GATB: variants seen among roughly 807,000 people sequenced by gnomAD.
The protein encoded by GATB is glutamyl-tRNA(Gln) amidotransferase subunit B, mitochondrial.
A neutral mutation model predicts 62.3 loss-of-function variants in GATB; 39 were observed. The observed-to-expected ratio is 0.63, with a 90% CI of 0.48 to 0.82. GATB has a LOEUF of 0.82. Ranked by LOEUF, GATB falls within the 40% of genes least tolerant of loss-of-function variation. GATB has a pLI of 0.00. For synonymous variants in GATB, 276 were observed against 258.9 expected, an observed-to-expected ratio of 1.07 and a Z score of -0.63; for missense variants, 670 against 684.0, an observed-to-expected ratio of 0.98 and a Z score of 0.23.
At chr4:151,677,013 AT>A (rs1218521195) in intron 11 of GATB, among the ~76,000 whole-genome samples, 2 of 152,162 alleles carry the variant, frequency 1.3e-5, no homozygotes, top group Non-Finnish European at 2.9e-5. Flanking sequence ...TCAGGACATG[AT>A]TCTTCTTTCT....
At chr4:151,750,686 T>C (rs1008924958) in intron 2 of GATB, among the ~76,000 whole-genome samples, 2 of 151,818 alleles carry the variant, frequency 1.3e-5, no homozygotes, top group African/African-American at 4.8e-5. Context: ...AGGGTCTCAC[T>C]CTGTCACTCA....
Position 151,758,711 on chromosome 4 carries a change from T to G in GATB, c.327+61A>C, listed in dbSNP as rs1739888088. Reference sequence around the variant, plus strand: ...TATTATTAAAACAAGAAAATAATTTTCCATGTTCAATATAAAATAAACATT... The same window carrying G: ...TATTATTAAAACAAGAAAATAATTTGCCATGTTCAATATAAAATAAACATT... On this transcript the variant is annotated intron_variant, in intron 2 of 12. Transcript: ENST00000263985. 5.4e-6 allele frequency: 7 copies of G among 1,289,852 alleles called. No homozygotes were observed. In the South Asian group the frequency reaches 1.1e-4, roughly 21 times the overall value. 79.9% of individuals were successfully genotyped at this position (1,289,852 alleles called of 1,614,324 possible).
At chr4:151,714,338 G>A (rs1161904975) in intron 5 of GATB, among the ~76,000 whole-genome samples, 1 of 152,168 alleles carries the variant, frequency 6.6e-6, no homozygotes. Flanking sequence ...CCAACACAGT[G>A]GTCCTAAAGG....
intron 2 of GATB, among the ~76,000 whole-genome samples, chr4:151,754,651 T>A (rs984212625): frequency 1.3e-5 from 2 of 152,098 alleles, no homozygotes; most frequent in African/African-American, 2.4e-5. Context: ...GTGACAATCC[T>A]AATTTTTTAC....
intron 2 of GATB, among the ~76,000 whole-genome samples, chr4:151,758,383 T>A (rs1482782645): frequency 1.3e-5 from 2 of 152,178 alleles, no homozygotes; most frequent in Non-Finnish European, 2.9e-5. Context: ...CTCCTCTGGG[T>A]TTCGAAATCA....
intron 2 of GATB, among the ~76,000 whole-genome samples, chr4:151,752,648 A>T (rs1739742618): frequency 6.6e-6 from 1 of 152,210 alleles, no homozygotes; most frequent in Non-Finnish European, 1.5e-5. Context: ...TGTTTCAAAG[A>T]GGCAGCTACC....
rs1394495973 is a variant in GATB at position 151,705,828 on chromosome 4, TTGC to T, written c.878-562_878-560del. Among the ~76,000 whole-genome samples the T allele has an allele frequency of 2.6e-5, 4 of 152,142 alleles. No homozygotes were observed. The East Asian group carries it at 7.7e-4, about 29-fold the overall frequency. On this transcript the variant is annotated intron_variant, in intron 6 of 12. Coordinates refer to ENST00000263985, the MANE Select transcript of GATB (RefSeq NM_004564.3). The stretch of plus-strand genomic sequence containing the variant: ...AAACACAACCACAATTGCTAAGCTG[TTGC>T]TGCTTTTTTTTTCTTTTTTTGAGAG...
intron 10 of GATB, among the ~76,000 whole-genome samples, chr4:151,685,381 C>A (rs1445279526): frequency 6.6e-6 from 1 of 152,182 alleles, no homozygotes; most frequent in African/African-American, 2.4e-5. Context: ...TGGTCATCCC[C>A]CACACACTGC....
intron 2 of GATB, among the ~76,000 whole-genome samples, chr4:151,752,083 G>A (rs1472011506): frequency 6.6e-6 from 1 of 152,140 alleles, no homozygotes. Context: ...TTCTAGGTTA[G>A]AATTATAATT....
intron 12 of GATB, 142 bp downstream of exon 12, chr4:151,672,620 A>AGAT: frequency 1.2e-6 from 1 of 810,980 alleles, no homozygotes; most frequent in Non-Finnish European, 1.9e-6. Context: ...TTAACTAAAA[A>AGAT]GATGACAGTG....
intron 6 of GATB, among the ~76,000 whole-genome samples, chr4:151,707,388 G>A (rs891523260): frequency 2.0e-5 from 3 of 152,120 alleles, no homozygotes; most frequent in African/African-American, 7.2e-5. Flanking sequence ...CAAACTCCTG[G>A]ACTCAAGTGA....
chr4:151,710,388 C>T (rs1738795236), intron 5 of GATB, among the ~76,000 whole-genome samples: 1 of 152,244 alleles, frequency 6.6e-6, no homozygotes, highest in South Asian at 2.1e-4. Context: ...ACCCAGTTCT[C>T]ACTCTATCAG....
intron 11 of GATB, chr4:151,673,774 G>A (rs1737936096): frequency 6.6e-6 from 1 of 152,180 alleles, no homozygotes; most frequent in South Asian, 2.1e-4. Flanking sequence ...GAGCCGGGAG[G>A]AGGGCTTCCT....
chr4:151,725,850 A>G (rs1405943665), intron 2 of GATB, among the ~76,000 whole-genome samples: 2 of 152,224 alleles, frequency 1.3e-5, no homozygotes, highest in African/African-American at 2.4e-5. Flanking sequence ...ATAGTCCTCA[A>G]TTCACACCAT....
At chr4:151,696,285 C>A (rs573131997) in intron 9 of GATB, among the ~76,000 whole-genome samples, 3 of 152,218 alleles carry the variant, frequency 2.0e-5, no homozygotes, top group Admixed American at 2.0e-4. Flanking sequence ...ATTTATAGGG[C>A]AGTCTGGCAT....
chr4:151,736,806 A>T (rs373068348), intron 2 of GATB, among the ~76,000 whole-genome samples: 18 of 152,174 alleles, frequency 1.2e-4, no homozygotes, highest in East Asian at 3.8e-4. Flanking sequence ...GATAGAGAAT[A>T]AGTCTCACGA....
At chr4:151,676,665 TG>T (rs905718466) in intron 11 of GATB, 2 of 152,252 alleles carry the variant, frequency 1.3e-5, no homozygotes, top group African/African-American at 4.8e-5. Flanking sequence ...ATACACAGCC[TG>T]GGTCTTGTGA....
intron 1 of GATB, among the ~76,000 whole-genome samples, chr4:151,759,932 A>C (rs1259134727): frequency 6.6e-6 from 1 of 152,212 alleles, no homozygotes; most frequent in African/African-American, 2.4e-5. Flanking sequence ...AGGGGAATTA[A>C]AGTAGGAACT....
At chr4:151,742,442 C>T (rs1739511263) in intron 2 of GATB, among the ~76,000 whole-genome samples, 1 of 152,188 alleles carries the variant, frequency 6.6e-6, no homozygotes. Context: ...GTTAAAGGTG[C>T]CTTCCCTGCT....
Sources: allele counts gnomAD v4.1 joint callset (sites outside exome capture counted in the v4.1 genomes callset), GRCh38; gene constraint gnomAD v4.1.1; transcripts MANE v1.5; gene names NCBI Gene and HGNC (gene_info 2026-07-23, HGNC 2026-07-21).